Variants in SLC4A4 observed in about 807,000 individuals in gnomAD.
The protein encoded by SLC4A4 is electrogenic sodium bicarbonate cotransporter 1.
A neutral mutation model predicts 111.5 loss-of-function variants in SLC4A4; 27 were observed. That is an observed-to-expected ratio of 0.24 (90% confidence interval 0.18 to 0.33). SLC4A4 has a LOEUF of 0.33. Among genes scored for constraint, SLC4A4 ranks in the 10% least tolerant of loss-of-function variants. The pLI is 1.00. For missense variants in SLC4A4, 909 were observed against 1,315.5 expected, an observed-to-expected ratio of 0.69 and a Z score of 4.78; for synonymous variants, 443 against 463.4, an observed-to-expected ratio of 0.96 and a Z score of 0.57.
intron 3 of SLC4A4, among the ~76,000 whole-genome samples, chr4:71,333,810 C>T (rs1231936891): frequency 6.6e-6 from 1 of 152,136 alleles, no homozygotes; most frequent in Non-Finnish European, 1.5e-5. Context: ...GCAGCCACTG[C>T]CCCGTGCCTG....
At chr4:71,114,954 A>C (rs1183260293) in intron 2 of SLC4A4, among the ~76,000 whole-genome samples, 5 of 123,868 alleles carry the variant, frequency 4.0e-5, no homozygotes, top group African/African-American at 9.8e-5. Context: ...CAACAATGAT[A>C]GACTGGATTA....
chr4:71,409,992 T>C (rs1721216220), intron 7 of SLC4A4, among the ~76,000 whole-genome samples: 1 of 152,214 alleles, frequency 6.6e-6, no homozygotes, highest in Non-Finnish European at 1.5e-5. Context: ...GTGTTGAGCC[T>C]GCGAGCGCAC....
At chr4:71,339,896 G>A (rs974005939) in intron 4 of SLC4A4, among the ~76,000 whole-genome samples, 21 of 152,026 alleles carry the variant, frequency 1.4e-4, no homozygotes, top group Non-Finnish European at 3.1e-4. Context: ...GTGAGATTTT[G>A]TGTGACTTAT....
intron 2 of SLC4A4, among the ~76,000 whole-genome samples, chr4:71,158,862 G>A (rs1233152525): frequency 1.3e-5 from 2 of 152,090 alleles, no homozygotes; most frequent in South Asian, 2.1e-4. Context: ...TGCACTTCAC[G>A]GAGAATGGGA....
At chr4:71,535,562 T>A (rs549131982) in intron 18 of SLC4A4, among the ~76,000 whole-genome samples, 1 of 152,260 alleles carries the variant, frequency 6.6e-6, no homozygotes, top group African/African-American at 2.4e-5. Flanking sequence ...CGAAGCATGT[T>A]GACAATGACG....
rs940829044 is a variant in SLC4A4 at position 71,567,994 on chromosome 4, T to C, written c.*243T>C. 5.5e-6 allele frequency: 4 copies of C among 729,272 alleles called. No individual in the cohort carries two copies. The highest frequency in any genetic ancestry group is 9.5e-6 in the Non-Finnish European group (4 of 422,542). 45.2% of individuals were successfully genotyped at this position (729,272 alleles called of 1,614,324 possible). On this transcript the variant is annotated 3_prime_UTR_variant, in exon 26 of 26. Transcript: ENST00000264485. ...ACTTTTATTTCGTCTCAGTTTTTGG[T>C]CACAGGCCAAATAATACAGCGCTCT...
At chr4:71,197,814 A>G (rs1427433364) in intron 1 of SLC4A4, among the ~76,000 whole-genome samples, 4 of 152,230 alleles carry the variant, frequency 2.6e-5, no homozygotes, top group Non-Finnish European at 4.4e-5. Context: ...ATGTATAACC[A>G]CAGATTATAA....
rs192288800 is a variant in SLC4A4 at position 71,181,221 on chromosome 4, G to A, written c.-1-55355G>A. ...CACACACCAGGGCCTGTTGTGGGGT[G>A]GGGGGAGGGGGGAGGGATAGCATTA... On this transcript the variant is annotated intron_variant, in intron 2 of 26. Transcript: ENST00000649996. 6.0e-3 allele frequency among the ~76,000 whole-genome samples: 693 copies of A among 115,966 alleles called. 3 individuals are homozygous for A. Among genetic ancestry groups the A allele is most frequent in the Middle Eastern group, 0.034 (6 of 174 alleles). 76.1% of individuals were successfully genotyped at this position (115,966 alleles called of 152,430 possible).
At chr4:71,251,074 C>T (rs1473094622) in intron 2 of SLC4A4, among the ~76,000 whole-genome samples, 1 of 152,178 alleles carries the variant, frequency 6.6e-6, no homozygotes, top group Non-Finnish European at 1.5e-5. Context: ...CAGGAAGGAG[C>T]TAATAGATGT....
chr4:71,089,772 G>C (rs1457720727), intron 1 of SLC4A4, among the ~76,000 whole-genome samples: 1 of 151,982 alleles, frequency 6.6e-6, no homozygotes, highest in Non-Finnish European at 1.5e-5. Context: ...TGTCTCAGAG[G>C]AGTACCCGGC....
At chr4:71,473,097 ACT>A (rs753196081) in intron 14 of SLC4A4, 127 bp downstream of exon 14, 1 of 1,068,712 alleles carries the variant, frequency 9.4e-7, no homozygotes, top group African/African-American at 1.6e-5. Context: ...TCTCTGAAAA[ACT>A]CTGCTACTGA....
At chr4:71,308,185 T>C (rs929309430) in intron 3 of SLC4A4, among the ~76,000 whole-genome samples, 4 of 152,154 alleles carry the variant, frequency 2.6e-5, no homozygotes, top group African/African-American at 9.7e-5. Context: ...TCCGAAGTGC[T>C]TTGAGAAAAA....
At chr4:71,498,023 A>T (rs910988035) in intron 16 of SLC4A4, among the ~76,000 whole-genome samples, 1 of 152,216 alleles carries the variant, frequency 6.6e-6, no homozygotes, top group East Asian at 1.9e-4. Context: ...GTTTAAGTAC[A>T]TAATCAAAAA....
At chr4:71,542,374 A>G (rs1281209944) in intron 18 of SLC4A4, among the ~76,000 whole-genome samples, 1 of 152,040 alleles carries the variant, frequency 6.6e-6, no homozygotes, top group Non-Finnish European at 1.5e-5. Flanking sequence ...TATACCGTTT[A>G]TAGTCCCAAC....
chr4:71,160,258 A>G (rs530799748), intron 2 of SLC4A4, among the ~76,000 whole-genome samples: 1 of 152,266 alleles, frequency 6.6e-6, no homozygotes, highest in East Asian at 1.9e-4. Flanking sequence ...CCTGGTTGAC[A>G]ATCTCTGTTT....
At chr4:71,283,277 A>G (rs1362580220) in intron 3 of SLC4A4, among the ~76,000 whole-genome samples, 2 of 152,152 alleles carry the variant, frequency 1.3e-5, no homozygotes, top group East Asian at 3.9e-4. Flanking sequence ...GCTGAATTCC[A>G]TCTTTGTGTG....
At chr4:71,193,438 C>T (rs1310203122) in intron 1 of SLC4A4, among the ~76,000 whole-genome samples, 1 of 152,196 alleles carries the variant, frequency 6.6e-6, no homozygotes, top group African/African-American at 2.4e-5. Flanking sequence ...AGATTACAGG[C>T]GTGAGCCACC....
At chr4:71,213,020 C>T (rs574462255) in intron 1 of SLC4A4, among the ~76,000 whole-genome samples, 1 of 152,230 alleles carries the variant, frequency 6.6e-6, no homozygotes, top group East Asian at 1.9e-4. Flanking sequence ...CAGTCATGTG[C>T]TGTATGGGTT....
At chr4:71,424,553 G>T (rs1722909325) in intron 7 of SLC4A4, among the ~76,000 whole-genome samples, 1 of 152,030 alleles carries the variant, frequency 6.6e-6, no homozygotes, top group African/African-American at 2.4e-5. Context: ...TATGTTTATT[G>T]TGGCACTATT....
Sources: allele counts gnomAD v4.1 joint callset (sites outside exome capture counted in the v4.1 genomes callset), GRCh38; gene constraint gnomAD v4.1.1; transcripts MANE v1.5; gene names NCBI Gene and HGNC (gene_info 2026-07-23, HGNC 2026-07-21).